The following NOVA1 variants were observed in gnomAD, a reference collection of about 807,000 sequenced individuals.
NOVA1 encodes the protein NOVA alternative splicing regulator 1, also known as RNA-binding protein Nova-1.
NOVA1 carries 7 observed loss-of-function variants against 38.0 expected under a neutral mutation model. The observed-to-expected ratio is 0.18, with a 90% CI of 0.10 to 0.35. The LOEUF is 0.35. NOVA1 is among the 10% of genes least tolerant of loss of function. The probability of loss-of-function intolerance (pLI) is 1.00; values close to 1 mark genes in which losing one functional copy is unlikely to be tolerated. For missense variants in NOVA1, 460 were observed against 616.0 expected (o/e 0.75, Z 2.68); for synonymous variants, 270 against 232.5 (o/e 1.16, Z -1.47).
intron 2 of NOVA1, among the ~76,000 whole-genome samples, chr14:26,563,005 A>G (rs1469825006): frequency 6.6e-6 from 1 of 152,142 alleles, no homozygotes; most frequent in Admixed American, 6.5e-5. Flanking sequence ...GAACTCAGAT[A>G]ACAGACATAT....
At chr14:26,478,365 T>C (rs1223738808) in intron 3 of NOVA1, among the ~76,000 whole-genome samples, 2 of 151,772 alleles carry the variant, frequency 1.3e-5, no homozygotes, top group African/African-American at 4.8e-5. Context: ...ACTACTAAAT[T>C]TTATGTTTTA....
intron 2 of NOVA1, among the ~76,000 whole-genome samples, chr14:26,543,379 A>G (rs975079925): frequency 2.0e-5 from 3 of 151,990 alleles, no homozygotes; most frequent in Admixed American, 2.0e-4. Context: ...CAAACACATA[A>G]CAGGAGCTAG....
At chr14:26,464,391 C>A (rs1364473837) in intron 4 of NOVA1, among the ~76,000 whole-genome samples, 6 of 152,206 alleles carry the variant, frequency 3.9e-5, no homozygotes, top group African/African-American at 1.4e-4. Context: ...CTAGGAGCAA[C>A]AGGTTGTGTA....
At chr14:26,488,521 T>G (rs1156741798) in intron 2 of NOVA1, among the ~76,000 whole-genome samples, 1 of 152,172 alleles carries the variant, frequency 6.6e-6, no homozygotes, top group Non-Finnish European at 1.5e-5. Flanking sequence ...ACAACTGCAA[T>G]TATTCTCAAA....
chr14:26,547,522 C>T (rs1378000988), intron 2 of NOVA1, among the ~76,000 whole-genome samples: 2 of 151,930 alleles, frequency 1.3e-5, no homozygotes, highest in Non-Finnish European at 2.9e-5. Context: ...AAGTAAGTTG[C>T]CAAACTTCTA....
At chr14:26,557,178 T>A (rs1035453159) in intron 2 of NOVA1, among the ~76,000 whole-genome samples, 10 of 152,198 alleles carry the variant, frequency 6.6e-5, no homozygotes, top group African/African-American at 2.2e-4. Flanking sequence ...TCTGAGGTAC[T>A]GGGGTTTAAG....
intron 2 of NOVA1, among the ~76,000 whole-genome samples, chr14:26,509,120 G>A (rs73599987): frequency 0.021 from 3,213 of 152,066 alleles, 101 homozygotes; most frequent in African/African-American, 0.073. Flanking sequence ...ACAGAATATC[G>A]CCTTATATTA....
chr14:26,542,680 T>C (rs1426235817), intron 2 of NOVA1, among the ~76,000 whole-genome samples: 1 of 146,634 alleles, frequency 6.8e-6, no homozygotes, highest in African/African-American at 2.5e-5. Context: ...TATCTAAAGA[T>C]GGAATCTGAA....
intron 4 of NOVA1, chr14:26,470,209 A>G (rs1884474731): frequency 9.8e-7 from 1 of 1,025,614 alleles, no homozygotes; most frequent in East Asian, 3.8e-5. Flanking sequence ...TCATATTAAA[A>G]CCTATTTTCT....
chr14:26,563,404 A>C (rs1009517751), intron 2 of NOVA1, among the ~76,000 whole-genome samples: 1 of 151,958 alleles, frequency 6.6e-6, no homozygotes. Flanking sequence ...AGAAAATGAA[A>C]ATAACTGAAA....
intron 4 of NOVA1, among the ~76,000 whole-genome samples, chr14:26,471,302 C>T (rs1267579211): frequency 4.0e-5 from 6 of 151,702 alleles, no homozygotes; most frequent in Non-Finnish European, 8.8e-5. Flanking sequence ...TTCTGATAGT[C>T]TTATATTAGA....
chr14:26,552,587 A>G (rs1891228248), intron 2 of NOVA1, among the ~76,000 whole-genome samples: 1 of 152,132 alleles, frequency 6.6e-6, no homozygotes, highest in South Asian at 2.1e-4. Context: ...TCACTCAACA[A>G]CAAAAAATCC....
In NOVA1 at chr14:26,596,589, T is replaced by C. The variant is rs1223451911; in HGVS notation, c.136+712A>G. 3 of 1,289,132 alleles carry C rather than the reference T, an allele frequency of 2.3e-6. No individual in the cohort carries two copies. The Admixed American group carries it at 6.9e-5, about 30-fold the overall frequency. 79.9% of individuals were successfully genotyped at this position (1,289,132 alleles called of 1,614,324 possible). On this transcript the variant is annotated intron_variant, in intron 1 of 4. Coordinates refer to ENST00000539517, the MANE Select transcript of NOVA1 (RefSeq NM_002515.3). ...TAAATTCACCTCTGCTTCGATGCAT[T>C]GGGTGCATTGTTAAGATGATTCCAG...
intron 2 of NOVA1, among the ~76,000 whole-genome samples, chr14:26,552,163 T>C (rs1891201387): frequency 6.6e-6 from 1 of 152,090 alleles, no homozygotes; most frequent in African/African-American, 2.4e-5. Flanking sequence ...GTGAAAAATA[T>C]ATAGCAGTAG....
At chr14:26,478,298 T>G (rs953815142) in intron 3 of NOVA1, among the ~76,000 whole-genome samples, 1 of 151,920 alleles carries the variant, frequency 6.6e-6, no homozygotes, top group Non-Finnish European at 1.5e-5. Flanking sequence ...TATTTATTCT[T>G]ATAAAAAATA....
chr14:26,469,298 G>A (rs532162221), intron 4 of NOVA1, among the ~76,000 whole-genome samples: 18 of 152,174 alleles, frequency 1.2e-4, no homozygotes, highest in Admixed American at 3.3e-4. Flanking sequence ...GAAAATAATT[G>A]TAAAGTAGTT....
chr14:26,554,939 C>T (rs987992100), intron 2 of NOVA1, among the ~76,000 whole-genome samples: 7 of 151,956 alleles, frequency 4.6e-5, no homozygotes, highest in African/African-American at 1.7e-4. Context: ...TAATATTAAG[C>T]AATTAAATAA....
rs115574121 is a variant in NOVA1 at position 26,495,220 on chromosome 14, T to G, written c.281-15077A>C. On this transcript the variant is annotated intron_variant, in intron 2 of 4. Transcript: ENST00000539517. ...TCAATAATACCTTATCAGAGAAGACTTTCTTAACAGCCATAAACAGCCTCT... is the reference window on the plus strand; with the variant it reads ...TCAATAATACCTTATCAGAGAAGACGTTCTTAACAGCCATAAACAGCCTCT... 1.8e-3 allele frequency among the ~76,000 whole-genome samples: 279 copies of G among 152,272 alleles called. 2 individuals carry two copies. The highest frequency in any genetic ancestry group is 6.4e-3 in the African/African-American group (266 of 41,558).
chr14:26,478,396 T>C (rs1057108142), intron 3 of NOVA1, among the ~76,000 whole-genome samples: 4 of 151,930 alleles, frequency 2.6e-5, no homozygotes, highest in South Asian at 2.1e-4. Flanking sequence ...AATCAAGATA[T>C]TGGCTTCTAT....
Sources: gnomAD v4.1 joint callset for allele counts (sites outside exome capture counted in the v4.1 genomes callset) on GRCh38, gnomAD v4.1.1 for gene constraint, MANE v1.5 for transcripts, NCBI Gene and HGNC (gene_info 2026-07-23, HGNC 2026-07-21) for gene names.